EXOC6B: variants seen among roughly 807,000 people sequenced by gnomAD.
EXOC6B encodes exocyst complex component 6B.
A neutral mutation model predicts 113.5 loss-of-function variants in EXOC6B; 54 were observed. The observed-to-expected ratio is 0.48, with a 90% CI of 0.38 to 0.60. EXOC6B has a LOEUF of 0.60. Among genes scored for constraint, EXOC6B ranks in the 20% least tolerant of loss-of-function variants. The probability of loss-of-function intolerance (pLI) is 0.00; values close to 1 mark genes in which losing one functional copy is unlikely to be tolerated. For synonymous variants in EXOC6B, 357 were observed against 339.0 expected (o/e 1.05, Z -0.58); for missense variants, 797 against 977.5 (o/e 0.82, Z 2.46).
chr2:72,769,158 A>G (rs1683269869), intron 1 of EXOC6B, among the ~76,000 whole-genome samples: 2 of 152,222 alleles, frequency 1.3e-5, no homozygotes, highest in African/African-American at 4.8e-5. Context: ...AAATACAGAC[A>G]TTATTCATAC....
At chr2:72,800,778 G>C (rs530732288) in intron 1 of EXOC6B, among the ~76,000 whole-genome samples, 1 of 152,220 alleles carries the variant, frequency 6.6e-6, no homozygotes, top group East Asian at 1.9e-4. Context: ...TAAAATTTAT[G>C]TAATAAAAAG....
At chr2:72,241,224 C>T (rs1044627044) in intron 20 of EXOC6B, among the ~76,000 whole-genome samples, 3 of 152,104 alleles carry the variant, frequency 2.0e-5, no homozygotes, top group Non-Finnish European at 2.9e-5. Context: ...CACACTGTAA[C>T]AGAAATGTAG....
intron 17 of EXOC6B, among the ~76,000 whole-genome samples, chr2:72,468,507 T>C (rs1698199097): frequency 6.6e-6 from 1 of 152,312 alleles, no homozygotes; most frequent in Non-Finnish European, 1.5e-5. Context: ...CTGGTCTGTA[T>C]GTTTTTACGC....
chr2:72,200,316 A>G (rs1014019763), intron 20 of EXOC6B, among the ~76,000 whole-genome samples: 1 of 152,250 alleles, frequency 6.6e-6, no homozygotes, highest in Non-Finnish European at 1.5e-5. Context: ...TGATGACCAG[A>G]TATCTAATGT....
chr2:72,272,174 T>C (rs866154825), intron 20 of EXOC6B, among the ~76,000 whole-genome samples: 4 of 152,112 alleles, frequency 2.6e-5, no homozygotes, highest in African/African-American at 9.7e-5. Context: ...TGCAGTGAGG[T>C]GAGCCAAGGT....
chr2:72,457,850 G>A (rs142993546), intron 18 of EXOC6B, among the ~76,000 whole-genome samples: 1,949 of 152,056 alleles, frequency 0.013, 22 homozygotes, highest in Non-Finnish European at 0.018. Flanking sequence ...AAACTTCAAG[G>A]GAAAAAACAG....
At chr2:72,460,297 G>C (rs898349168) in intron 18 of EXOC6B, among the ~76,000 whole-genome samples, 1 of 151,958 alleles carries the variant, frequency 6.6e-6, no homozygotes, top group Admixed American at 6.6e-5. Flanking sequence ...ACAGGCATGG[G>C]CAAGGACTTC....
intron 8 of EXOC6B, among the ~76,000 whole-genome samples, chr2:72,556,833 G>A (rs1229487885): frequency 6.6e-6 from 1 of 151,626 alleles, no homozygotes; most frequent in African/African-American, 2.4e-5. Context: ...CTGTTTCATT[G>A]AACATAACAT....
chr2:72,583,886 A>G (rs563063789), intron 6 of EXOC6B, among the ~76,000 whole-genome samples: 1 of 152,106 alleles, frequency 6.6e-6, no homozygotes, highest in South Asian at 2.1e-4. Flanking sequence ...ATACCCAGCT[A>G]ATTTTTTGTG....
In EXOC6B at chr2:72,718,312, A is replaced by G. The variant is rs1679770806; in HGVS notation, c.465-5T>C. 1 of 1,613,060 alleles carries G rather than the reference A, an allele frequency of 6.2e-7. No homozygotes were observed. On this transcript the variant is annotated splice_polypyrimidine_tract_variant and splice_region_variant and intron_variant, in intron 5 of 21. Transcript: ENST00000272427. The stretch of plus-strand genomic sequence containing the variant: ...GTTTTCAGTGCAGGATAATGCCTAC[A>G]AAAGGAATTGATCACCTTTAGCTCA...
intron 2 of EXOC6B, among the ~76,000 whole-genome samples, chr2:72,734,196 T>C (rs556391768): frequency 2.0e-5 from 3 of 152,264 alleles, no homozygotes; most frequent in African/African-American, 4.8e-5. Flanking sequence ...CGATACACTA[T>C]ACCTGGACTA....
rs1426488449 is a variant in EXOC6B at position 72,661,331 on chromosome 2, G to T, written c.669+56772C>A. ...AAAAACTAAATTGTCCGTACTCACA[G>T]ATAACGTAATTATCCATGCTGAATA... On this transcript the variant is annotated intron_variant, in intron 6 of 21. Coordinates refer to ENST00000272427, the MANE Select transcript of EXOC6B (RefSeq NM_015189.3). Among the ~76,000 whole-genome samples, 5 of 129,576 alleles carry T rather than the reference G, an allele frequency of 3.9e-5. No homozygotes were observed. The Admixed American group carries it at 4.3e-4, about 11-fold the overall frequency. 85.0% of individuals were successfully genotyped at this position (129,576 alleles called of 152,430 possible).
chr2:72,823,896 T>C (rs1460214706), intron 1 of EXOC6B, among the ~76,000 whole-genome samples: 1 of 152,190 alleles, frequency 6.6e-6, no homozygotes, highest in African/African-American at 2.4e-5. Context: ...TTACATTATA[T>C]TTGGTATTAT....
At chr2:72,323,303 T>A (rs1483392094) in intron 20 of EXOC6B, among the ~76,000 whole-genome samples, 3 of 152,184 alleles carry the variant, frequency 2.0e-5, no homozygotes, top group Non-Finnish European at 4.4e-5. Context: ...TCATGACAGT[T>A]AGAATGGTGA....
chr2:72,496,414 C>T, intron 14 of EXOC6B, 40 bp downstream of exon 14: 1 of 1,311,842 alleles, frequency 7.6e-7, no homozygotes, highest in Non-Finnish European at 1.1e-6. Context: ...TAAGAGGATG[C>T]CAAAACAACC....
intron 19 of EXOC6B, among the ~76,000 whole-genome samples, chr2:72,356,502 C>A (rs1016560076): frequency 6.6e-6 from 1 of 152,064 alleles, no homozygotes; most frequent in Non-Finnish European, 1.5e-5. Flanking sequence ...TGTGAATAGC[C>A]ACCATACTCC....
intron 18 of EXOC6B, among the ~76,000 whole-genome samples, chr2:72,443,334 A>AAAAG (rs1316721804): frequency 1.3e-5 from 2 of 151,372 alleles, no homozygotes; most frequent in South Asian, 2.1e-4. Flanking sequence ...AAAAAAAAAA[A>AAAAG]AAAGAAAGAA....
At chr2:72,680,658 G>C (rs559844223) in intron 6 of EXOC6B, among the ~76,000 whole-genome samples, 1 of 152,102 alleles carries the variant, frequency 6.6e-6, no homozygotes, top group East Asian at 1.9e-4. Flanking sequence ...AGAATCACTT[G>C]GACCCAGGAG....
intron 20 of EXOC6B, among the ~76,000 whole-genome samples, chr2:72,266,457 TC>T (rs1256523462): frequency 6.6e-6 from 1 of 151,548 alleles, no homozygotes; most frequent in African/African-American, 2.4e-5. Flanking sequence ...GGATCCAGTT[TC>T]AGCTTTCTAC....
Sources: allele counts gnomAD v4.1 joint callset (sites outside exome capture counted in the v4.1 genomes callset), GRCh38; gene constraint gnomAD v4.1.1; transcripts MANE v1.5; gene names NCBI Gene and HGNC (gene_info 2026-07-23, HGNC 2026-07-21).